NKAIN3: variants seen among roughly 807,000 people sequenced by gnomAD.
NKAIN3 encodes sodium/potassium transporting ATPase interacting 3.
In NKAIN3, 25 loss-of-function variants were observed where a neutral mutation model predicts 30.2. That is an observed-to-expected ratio of 0.83 (90% CI 0.60 to 1.16). The LOEUF (loss-of-function observed/expected upper bound fraction) is 1.16. Ranked by LOEUF, NKAIN3 falls within the 50% of genes most tolerant of loss-of-function variation. The pLI is 0.00. For synonymous variants in NKAIN3, 91 were observed against 89.6 expected (o/e 1.02, Z -0.09); for missense variants, 225 against 254.1 (o/e 0.89, Z 0.78).
chr8:62,666,481 G>A (rs1178289831), intron 3 of NKAIN3, among the ~76,000 whole-genome samples: 1 of 152,026 alleles, frequency 6.6e-6, no homozygotes, highest in African/African-American at 2.4e-5. Context: ...GAGAGATATT[G>A]GGCAGTGCAT....
At chr8:62,963,364 A>C (rs1406684110) in intron 6 of NKAIN3, among the ~76,000 whole-genome samples, 1 of 152,172 alleles carries the variant, frequency 6.6e-6, no homozygotes, top group East Asian at 1.9e-4. Flanking sequence ...ACCTGACATC[A>C]TAAGAACAGG....
chr8:62,591,188 A>G (rs60591528), intron 3 of NKAIN3, among the ~76,000 whole-genome samples: 3,167 of 151,818 alleles, frequency 0.021, 126 homozygotes, highest in African/African-American at 0.073. Context: ...TTTTTCTTCT[A>G]TATACACTAA....
chr8:62,343,139 A>G (rs1048063377), intron 1 of NKAIN3, among the ~76,000 whole-genome samples: 5 of 152,070 alleles, frequency 3.3e-5, no homozygotes, highest in African/African-American at 1.2e-4. Flanking sequence ...ATAAGAGTAC[A>G]TACTCCAGAG....
At chr8:62,923,782 G>A (rs1822353645) in intron 5 of NKAIN3, among the ~76,000 whole-genome samples, 1 of 152,116 alleles carries the variant, frequency 6.6e-6, no homozygotes, top group African/African-American at 2.4e-5. Flanking sequence ...TTGTAACCTC[G>A]GCCACCCCAC....
chr8:62,444,693 ATATT>A (rs1310135650), intron 1 of NKAIN3, among the ~76,000 whole-genome samples: 16 of 152,232 alleles, frequency 1.1e-4, no homozygotes, highest in African/African-American at 2.9e-4. Context: ...TCTCTTCAAT[ATATT>A]TATTTCCTTT....
At chr8:62,577,966 A>T (rs1239433581) in intron 1 of NKAIN3, among the ~76,000 whole-genome samples, 2 of 151,974 alleles carry the variant, frequency 1.3e-5, no homozygotes, top group Non-Finnish European at 2.9e-5. Context: ...ACATTTCTTT[A>T]TGTCCAAGGA....
Position 62,615,470 on chromosome 8 carries a change from G to A in NKAIN3, c.273+25676G>A, listed in dbSNP as rs1400534937. Among the ~76,000 whole-genome samples, 4 of 152,222 alleles carry A rather than the reference G, an allele frequency of 2.6e-5. No individual in the cohort carries two copies. The South Asian group carries it at 8.3e-4, about 32-fold the overall frequency. On this transcript the variant is annotated intron_variant, in intron 3 of 6. Coordinates refer to ENST00000623646, the MANE Select transcript of NKAIN3 (RefSeq NM_001304533.3). Reference sequence around the variant, plus strand: ...GGGAGGTGCCAGCACTCCTTTTGCTGCCCTAGCTGGTGTCTCAGTATGTCA... The same window carrying A: ...GGGAGGTGCCAGCACTCCTTTTGCTACCCTAGCTGGTGTCTCAGTATGTCA...
chr8:62,506,089 AG>A (rs1171608450), intron 1 of NKAIN3, among the ~76,000 whole-genome samples: 3 of 152,138 alleles, frequency 2.0e-5, no homozygotes, highest in African/African-American at 7.2e-5. Flanking sequence ...TCTGCTTTAA[AG>A]GACTCATGTG....
intron 1 of NKAIN3, among the ~76,000 whole-genome samples, chr8:62,336,471 CA>C (rs1228010194): frequency 6.6e-6 from 1 of 152,040 alleles, no homozygotes; most frequent in Non-Finnish European, 1.5e-5. Context: ...GCTTCACCAA[CA>C]GTCTTTTCAA....
At chr8:62,437,799 A>G (rs1419009745) in intron 1 of NKAIN3, among the ~76,000 whole-genome samples, 3 of 152,210 alleles carry the variant, frequency 2.0e-5, no homozygotes, top group African/African-American at 7.2e-5. Context: ...CAACACAGTT[A>G]ATTAGATTGA....
chr8:62,570,216 T>C (rs1353271031), intron 1 of NKAIN3, among the ~76,000 whole-genome samples: 1 of 152,296 alleles, frequency 6.6e-6, no homozygotes, highest in East Asian at 1.9e-4. Context: ...ATGCTTATCC[T>C]ATAGACCAGT....
At chr8:62,315,929 C>T (rs1814608517) in intron 1 of NKAIN3, among the ~76,000 whole-genome samples, 1 of 152,120 alleles carries the variant, frequency 6.6e-6, no homozygotes, top group African/African-American at 2.4e-5. Context: ...TTGTAGTTGC[C>T]ATAATCCCAC....
chr8:62,939,488 TAAG>T (rs1215734001), intron 5 of NKAIN3, among the ~76,000 whole-genome samples: 1 of 152,120 alleles, frequency 6.6e-6, no homozygotes, highest in Non-Finnish European at 1.5e-5. Context: ...GAAAGAATCT[TAAG>T]AGCTGTGAGG....
intron 1 of NKAIN3, among the ~76,000 whole-genome samples, chr8:62,380,934 A>AT (rs997370116): frequency 3.0e-4 from 45 of 151,936 alleles, no homozygotes; most frequent in Admixed American, 6.6e-4. Context: ...ATGGTAATGG[A>AT]TTTTTTTTCC....
chr8:62,697,094 G>A (rs1814180414), intron 3 of NKAIN3, among the ~76,000 whole-genome samples: 1 of 152,250 alleles, frequency 6.6e-6, no homozygotes, highest in Middle Eastern at 3.4e-3. Context: ...AACTGCAGCA[G>A]GCGTAATCCT....
intron 6 of NKAIN3, among the ~76,000 whole-genome samples, chr8:62,963,512 G>A (rs909003555): frequency 3.3e-5 from 5 of 152,146 alleles, no homozygotes; most frequent in African/African-American, 1.2e-4. Flanking sequence ...TGACACTACT[G>A]CTAACAAAGA....
chr8:62,940,106 G>A (rs1395731299), intron 5 of NKAIN3, among the ~76,000 whole-genome samples: 1 of 150,526 alleles, frequency 6.6e-6, no homozygotes, highest in African/African-American at 2.4e-5. Context: ...AGCTGGAGTA[G>A]CTATTTTTAT....
intron 1 of NKAIN3, among the ~76,000 whole-genome samples, chr8:62,298,184 G>T (rs1813906484): frequency 9.6e-6 from 1 of 104,110 alleles, no homozygotes; most frequent in Non-Finnish European, 1.8e-5. Flanking sequence ...GGGGTGGGGG[G>T]AGGGGAAGGG....
intron 1 of NKAIN3, among the ~76,000 whole-genome samples, chr8:62,296,366 G>C (rs1205469785): frequency 2.0e-5 from 3 of 151,846 alleles, no homozygotes; most frequent in Non-Finnish European, 2.9e-5. Context: ...TAGACTCTCT[G>C]TAATCATTTC....
Sources: allele counts gnomAD v4.1 joint callset (sites outside exome capture counted in the v4.1 genomes callset), GRCh38; gene constraint gnomAD v4.1.1; transcripts MANE v1.5; gene names NCBI Gene and HGNC (gene_info 2026-07-23, HGNC 2026-07-21).